TMPRSS3: variants seen among roughly 807,000 people sequenced by gnomAD.
The protein encoded by TMPRSS3 is transmembrane protease serine 3.
Under a neutral mutation model 59.6 loss-of-function variants are expected in TMPRSS3, and 55 were observed. The observed-to-expected ratio is 0.92, with a 90% CI of 0.74 to 1.16. The LOEUF (loss-of-function observed/expected upper bound fraction) is 1.16. TMPRSS3 is among the 50% of genes most tolerant of loss of function. TMPRSS3 has a pLI of 0.00. For synonymous variants in TMPRSS3, 257 were observed against 237.7 expected, an observed-to-expected ratio of 1.08 and a Z score of -0.75; for missense variants, 596 against 579.4, an observed-to-expected ratio of 1.03 and a Z score of -0.29.
rs775123873 is a variant in TMPRSS3 at position 42,395,482 on chromosome 21, G to A, written c.-51-14C>T. 3.7e-5 allele frequency: 50 copies of A among 1,369,572 alleles called. No individual in the cohort carries two copies. The highest frequency in any genetic ancestry group is 4.9e-5 in the Non-Finnish European group (47 of 961,156). The allele number at this position is 1,369,572 out of a possible 1,614,324, so 84.8% of individuals were successfully genotyped here. A position where few individuals can be genotyped will look rare whatever the true frequency, so the allele number is the denominator to read the frequency against. On this transcript the variant is annotated splice_polypyrimidine_tract_variant and intron_variant, in intron 1 of 12. Transcript: ENST00000644384. ...CACCTCTACCTCCTTAGCCGAGGAA[G>A]AACAGAAAGCATTTGTTCCCCTATT...
rs778835686 is a variant in TMPRSS3, at chr21:42,385,394, C to T, written c.572+15G>A. On this transcript the variant is annotated intron_variant, in intron 6 of 12. Coordinates refer to ENST00000644384, the MANE Select transcript of TMPRSS3 (RefSeq NM_001256317.3). ...TCGATACCTGTGCAGACAACAGCAT[C>T]GCCTGACCACCTACCTCACATATAC... The T allele has an allele frequency of 1.7e-5, 27 of 1,613,692 alleles. No homozygotes were observed. In the South Asian group the frequency reaches 2.4e-4, roughly 14 times the overall value.
intron 10 of TMPRSS3, among the ~76,000 whole-genome samples, chr21:42,379,844 G>T (rs907958111): frequency 6.6e-6 from 1 of 152,098 alleles, no homozygotes; most frequent in African/African-American, 2.4e-5. Context: ...CCGGGGGTCC[G>T]GGCAGGGAAA....
chr21:42,384,580 T>A (rs1389971864), intron 6 of TMPRSS3, among the ~76,000 whole-genome samples: 1 of 152,240 alleles, frequency 6.6e-6, no homozygotes, highest in Non-Finnish European at 1.5e-5. Flanking sequence ...ATCTTTGTAA[T>A]GTTTTCTGCC....
At chr21:42,394,202 T>TTATCAAA (rs945129877) in intron 2 of TMPRSS3, among the ~76,000 whole-genome samples, 14 of 152,094 alleles carry the variant, frequency 9.2e-5, no homozygotes, top group Middle Eastern at 3.4e-3. Context: ...AATCAAAAAA[T>TTATCAAA]AAGAGAAAGG....
intron 10 of TMPRSS3, among the ~76,000 whole-genome samples, 172 bp downstream of exon 10, chr21:42,379,945 C>T: frequency 6.6e-6 from 1 of 152,182 alleles, no homozygotes; most frequent in Non-Finnish European, 1.5e-5. Context: ...AACCGTGACT[C>T]CTGACCCACA....
chr21:42,382,912 T>C, intron 8 of TMPRSS3, 121 bp downstream of exon 8: 1 of 1,198,204 alleles, frequency 8.3e-7, no homozygotes, highest in Non-Finnish European at 1.2e-6. Flanking sequence ...CAACTGTACA[T>C]TACTTGGAGG....
At chr21:42,390,453 T>C (rs1182091899) in intron 2 of TMPRSS3, 1 of 240,264 alleles carries the variant, frequency 4.2e-6, no homozygotes, top group Non-Finnish European at 8.3e-6. Flanking sequence ...AACAGCCGGG[T>C]GCAGTGGCTC....
chr21:42,373,391 C>G (rs903830140), intron 12 of TMPRSS3, among the ~76,000 whole-genome samples: 23 of 152,200 alleles, frequency 1.5e-4, no homozygotes, highest in African/African-American at 5.1e-4. Context: ...ATGACTAAGG[C>G]GTTGTGCAGG....
In TMPRSS3 at chr21:42,388,306, A is replaced by G. The variant is rs1416614307; in HGVS notation, c.446+97T>C. The G allele has an allele frequency of 2.6e-6, 4 of 1,545,388 alleles. No individual in the cohort carries two copies. The highest frequency in any genetic ancestry group is 1.7e-4 in the Middle Eastern group (1 of 5,962). Reference sequence around the variant, plus strand: ...TGTGAGGATGTAATCTGAGAGCGTTAAAGCACCCAATAGTGCCCAACTAAA... The same window carrying G: ...TGTGAGGATGTAATCTGAGAGCGTTGAAGCACCCAATAGTGCCCAACTAAA... On this transcript the variant is annotated intron_variant, in intron 5 of 12. Coordinates refer to ENST00000644384, the MANE Select transcript of TMPRSS3 (RefSeq NM_001256317.3). This position sits in a 1 kb window ranked among gnomAD's most constrained non-coding sequence, Gnocchi z 5.1.
chr21:42,388,519 C>T lies in TMPRSS3; in HGVS notation c.330G>A (p.Val110=), dbSNP rs753920908. 6.2e-7 allele frequency: 1 copy of T among 1,614,198 alleles called. No individual in the cohort carries two copies. The highest frequency in any genetic ancestry group is 1.7e-5 in the Admixed American group (1 of 60,024). The change falls in exon 5 of 13, where the codon GTG becomes GTA. Residue 110 remains valine, a synonymous_variant. Coordinates refer to ENST00000644384, the MANE Select transcript of TMPRSS3 (RefSeq NM_001256317.3). The surrounding 1 kb of genome is among the most constrained non-coding windows in gnomAD (Gnocchi z 5.1). ...DGEDEYRCVR[V]GGQNAVLQVF... is the part of the protein sequence containing the mutation. ...CCTGGAGCACGGCATTCTGACCACCCACCCGGACTGGCCGATGTGCAGAAA... is the reference window on the plus strand; with the variant it reads ...CCTGGAGCACGGCATTCTGACCACCTACCCGGACTGGCCGATGTGCAGAAA...
Position 42,388,983 on chromosome 21 carries a change from C to T in TMPRSS3, c.268G>A (p.Ala90Thr), listed in dbSNP as rs45598239. 72,092 of 1,614,130 alleles carry T rather than the reference C, an allele frequency of 0.045. 1,917 individuals are homozygous for T. The highest frequency in any genetic ancestry group is 0.054 in the Non-Finnish European group (64,243 of 1,179,968). The change falls in exon 4 of 13, where the codon GCT becomes ACT. Residue 90 changes from alanine (A) to threonine (T), a missense_variant. Transcript: ENST00000644384. The surrounding 1 kb of genome is among the most constrained non-coding windows in gnomAD (Gnocchi z 5.1). The part of the protein sequence containing the change: ...RSSFKCIELI[A>T]RCDGVSDCKD... ...CAATCCGAGACTCCGTCACATCGAG[C>T]TATCAGCTCGATACACTTAAAGGAT...
intron 2 of TMPRSS3, among the ~76,000 whole-genome samples, chr21:42,394,804 C>T (rs565445198): frequency 1.3e-5 from 2 of 152,198 alleles, no homozygotes; most frequent in East Asian, 1.9e-4. Flanking sequence ...AGATCCTAGC[C>T]GTATAGGTTG....
chr21:42,379,794 G>A (rs958607363), intron 10 of TMPRSS3, among the ~76,000 whole-genome samples: 1 of 152,118 alleles, frequency 6.6e-6, no homozygotes, highest in African/African-American at 2.4e-5. Flanking sequence ...AGCCTGGGAG[G>A]GTTGTCTAGG....
intron 11 of TMPRSS3, 33 bp downstream of exon 11, chr21:42,376,508 G>A: frequency 6.2e-7 from 1 of 1,611,410 alleles, no homozygotes; most frequent in Non-Finnish European, 8.5e-7. Flanking sequence ...GGGTCACCCT[G>A]CCACGGCCTC....
At chr21:42,387,996 T>TG (rs1172513357) in intron 5 of TMPRSS3, among the ~76,000 whole-genome samples, 2 of 152,252 alleles carry the variant, frequency 1.3e-5, no homozygotes, top group African/African-American at 4.8e-5. Flanking sequence ...GTGGGGTTCT[T>TG]GGGGAAGCGT....
chr21:42,384,077 A>G lies in TMPRSS3; in HGVS notation c.573-64T>C. 4 of 1,517,390 alleles carry G rather than the reference A, an allele frequency of 2.6e-6. No individual in the cohort carries two copies. In the Admixed American group the frequency reaches 6.8e-5, roughly 26 times the overall value. The allele number at this position is 1,517,390 out of a possible 1,614,324, so 94.0% of individuals were successfully genotyped here. ...CAGATCTGTGAAAGGAACACTCTTA[A>G]AAACTCAATCTTAGGGTAACAGAAA... On this transcript the variant is annotated intron_variant, in intron 6 of 12. Transcript: ENST00000644384.
At position 42,379,975 on chromosome 21, in the gene TMPRSS3, C is replaced by G. The variant is rs1041940354; in HGVS notation, c.1048+142G>C. ...CCCACAGTTCCTTGGCTGACTGTGT[C>G]CCGAGCAGCTGACATGCACTCCCTG... On this transcript the variant is annotated intron_variant, in intron 10 of 12. Coordinates refer to ENST00000644384, the MANE Select transcript of TMPRSS3 (RefSeq NM_001256317.3). The G allele has an allele frequency of 5.6e-6, 4 of 715,416 alleles. No homozygotes were observed. The African/African-American group carries it at 7.0e-5, about 12-fold the overall frequency. 44.3% of individuals were successfully genotyped at this position (715,416 alleles called of 1,614,324 possible).
intron 3 of TMPRSS3, 194 bp from the exon 4 acceptor site, chr21:42,389,239 C>T (rs2052693207): frequency 3.6e-6 from 4 of 1,120,448 alleles, no homozygotes; most frequent in Non-Finnish European, 3.8e-6. Context: ...GCTGCTGTGC[C>T]CCACTTTATC....
chr21:42,393,137 A>G (rs553539987), intron 2 of TMPRSS3, among the ~76,000 whole-genome samples: 2 of 152,308 alleles, frequency 1.3e-5, no homozygotes, highest in South Asian at 4.1e-4. Flanking sequence ...CCAGCAACTC[A>G]GGAGGCCGAG....
Sources: gnomAD v4.1 joint callset for allele counts (sites outside exome capture counted in the v4.1 genomes callset) on GRCh38, gnomAD v4.1.1 for gene constraint, Gnocchi (gnomAD v3.1) non-coding constraint, MANE v1.5 for transcripts, NCBI Gene and HGNC (gene_info 2026-07-23, HGNC 2026-07-21) for gene names.